Variants in CFTR observed in about 807,000 individuals in gnomAD.
CFTR encodes the protein cystic fibrosis transmembrane conductance regulator.
A neutral mutation model predicts 171.6 loss-of-function variants in CFTR; 181 were observed. That is an observed-to-expected ratio of 1.05 (90% CI 0.93 to 1.19). The LOEUF (loss-of-function observed/expected upper bound fraction) is 1.19. Among genes scored for constraint, CFTR ranks in the 50% most tolerant of loss-of-function variants. The pLI is 0.00. For synonymous variants in CFTR, 583 were observed against 608.0 expected, an observed-to-expected ratio of 0.96 and a Z score of 0.60; for missense variants, 1,968 against 1,734.7, an observed-to-expected ratio of 1.13 and a Z score of -2.39.
chr7:117,654,632 C>T (rs1793139328), intron 24 of CFTR, among the ~76,000 whole-genome samples: 1 of 152,134 alleles, frequency 6.6e-6, no homozygotes, highest in Non-Finnish European at 1.5e-5. Flanking sequence ...CTCTTGCACC[C>T]TCTTTCTTGC....
chr7:117,568,608 T>C (rs1035274947), intron 11 of CFTR, among the ~76,000 whole-genome samples: 1 of 152,326 alleles, frequency 6.6e-6, no homozygotes, highest in African/African-American at 2.4e-5. Flanking sequence ...TTCAGCCTTA[T>C]TAAGGTATAA....
chr7:117,484,596 A>G (rs1798043958), intron 1 of CFTR, among the ~76,000 whole-genome samples: 2 of 152,132 alleles, frequency 1.3e-5, no homozygotes. Flanking sequence ...TCAGCTGGGA[A>G]TCTGTGTTAA....
At chr7:117,622,926 C>T (rs1792604108) in intron 21 of CFTR, among the ~76,000 whole-genome samples, 1 of 152,120 alleles carries the variant, frequency 6.6e-6, no homozygotes, top group Non-Finnish European at 1.5e-5. Flanking sequence ...TCAAGACTGT[C>T]ATAATTCCAA....
At chr7:117,660,740 A>T (rs535356065) in intron 24 of CFTR, among the ~76,000 whole-genome samples, 23 of 152,086 alleles carry the variant, frequency 1.5e-4, no homozygotes, top group Non-Finnish European at 1.9e-4. Context: ...ACATATTTAA[A>T]GGATAAAGGA....
intron 11 of CFTR, among the ~76,000 whole-genome samples, chr7:117,579,555 C>A (rs769803240): frequency 1.2e-4 from 18 of 150,922 alleles, no homozygotes; most frequent in Non-Finnish European, 2.5e-4. Flanking sequence ...AGCTATTCTT[C>A]TTATTATTTA....
chr7:117,618,009 A>G (rs1426874826), intron 21 of CFTR, among the ~76,000 whole-genome samples: 3 of 152,108 alleles, frequency 2.0e-5, no homozygotes, highest in African/African-American at 4.8e-5. Context: ...TAACAGCTCC[A>G]GCAGTATTTA....
chr7:117,531,217 C>A, intron 4 of CFTR, 103 bp downstream of exon 4: 1 of 842,806 alleles, frequency 1.2e-6, no homozygotes, highest in Non-Finnish European at 1.9e-6. Context: ...GGGATAAATG[C>A]TGAAATTAAT....
Position 117,660,701 on chromosome 7 carries a change from C to CAT in CFTR, c.3964-3977_3964-3976dup, listed in dbSNP as rs566310911. On this transcript the variant is annotated intron_variant, in intron 24 of 26. Coordinates refer to ENST00000003084, the MANE Select transcript of CFTR (RefSeq NM_000492.4). ...GTGTGTGTGTGTGTATATACACACA[C>CAT]ATATATATATACATATATACATATA... Among the ~76,000 whole-genome samples, 306 of 150,822 alleles carry CAT rather than the reference C, an allele frequency of 2.0e-3. 1 individual carries two copies. The highest frequency in any genetic ancestry group is 7.0e-3 in the African/African-American group (287 of 41,098).
chr7:117,627,139 C>A (rs1189388567), intron 21 of CFTR, among the ~76,000 whole-genome samples: 1 of 152,026 alleles, frequency 6.6e-6, no homozygotes, highest in Non-Finnish European at 1.5e-5. Flanking sequence ...AGAGAAGAAT[C>A]TTCAGTAGTG....
intron 22 of CFTR, among the ~76,000 whole-genome samples, chr7:117,636,739 T>G (rs986286581): frequency 2.0e-5 from 3 of 152,122 alleles, no homozygotes; most frequent in Non-Finnish European, 4.4e-5. Context: ...TTCTTTTGAT[T>G]CCATCTTTGA....
chr7:117,632,631 A>C (rs1792766341), intron 22 of CFTR, among the ~76,000 whole-genome samples: 1 of 152,162 alleles, frequency 6.6e-6, no homozygotes, highest in Admixed American at 6.5e-5. Context: ...TAAAGGAGCA[A>C]TGGTAAAAGA....
Position 117,559,651 on chromosome 7 carries a change from A to G in CFTR, c.1580A>G (p.Glu527Gly), listed in dbSNP as rs374453187. The G allele has an allele frequency of 1.2e-5, 19 of 1,611,156 alleles. No individual in the cohort carries two copies. Among genetic ancestry groups the G allele is most frequent in the Admixed American group, 3.3e-5 (2 of 59,984 alleles). Residue 527 changes from glutamate (E) to glycine (G), a missense_variant, in exon 11 of 27, where the codon GAA becomes GGA. By Grantham distance (98) the Glu-to-Gly change is moderately conservative. Transcript: ENST00000003084. Reference sequence around the variant, plus strand: ...AGCGTCATCAAAGCATGCCAACTAGAAGAGGTAAGAAACTATGTGAAAACT... The same window carrying G: ...AGCGTCATCAAAGCATGCCAACTAGGAGAGGTAAGAAACTATGTGAAAACT... ...YRSVIKACQL[E>G]EDISKFAEKD...
At chr7:117,656,416 C>T (rs189334328) in intron 24 of CFTR, among the ~76,000 whole-genome samples, 225 of 151,724 alleles carry the variant, frequency 1.5e-3, no homozygotes, top group Non-Finnish European at 2.1e-3. Flanking sequence ...TGCCATATGA[C>T]CTAGATGAGG....
At chr7:117,489,759 C>T (rs1468117853) in intron 1 of CFTR, among the ~76,000 whole-genome samples, 3 of 151,522 alleles carry the variant, frequency 2.0e-5, no homozygotes, top group Non-Finnish European at 4.4e-5. Flanking sequence ...GGATCATGTT[C>T]GGATCAATCT....
At chr7:117,604,347 G>T (rs565420306) in intron 17 of CFTR, among the ~76,000 whole-genome samples, 8 of 152,012 alleles carry the variant, frequency 5.3e-5, no homozygotes, top group Non-Finnish European at 1.0e-4. Context: ...AACTAATAAG[G>T]TACTTTGAAA....
chr7:117,621,645 T>C (rs902677079), intron 21 of CFTR, among the ~76,000 whole-genome samples: 1 of 152,194 alleles, frequency 6.6e-6, no homozygotes, highest in Admixed American at 6.5e-5. Context: ...GACATAATAT[T>C]GCAAAATTAA....
chr7:117,503,547 A>G (rs1285505466), intron 1 of CFTR, among the ~76,000 whole-genome samples: 1 of 152,142 alleles, frequency 6.6e-6, no homozygotes, highest in Non-Finnish European at 1.5e-5. Context: ...GAAAATCACT[A>G]CGGTATCCTG....
At chr7:117,559,797 T>C in intron 11 of CFTR, 142 bp downstream of exon 11, 1 of 630,700 alleles carries the variant, frequency 1.6e-6, no homozygotes. Flanking sequence ...AATGGATCAA[T>C]TAATAAAACA....
intron 15 of CFTR, among the ~76,000 whole-genome samples, chr7:117,601,201 A>G (rs1792219239): frequency 6.6e-6 from 1 of 152,098 alleles, no homozygotes; most frequent in African/African-American, 2.4e-5. Flanking sequence ...GTACACCCTT[A>G]TCTAGGATCC....
Sources: gnomAD v4.1 joint callset for allele counts (sites outside exome capture counted in the v4.1 genomes callset) on GRCh38, gnomAD v4.1.1 for gene constraint, MANE v1.5 for transcripts, NCBI Gene and HGNC (gene_info 2026-07-23, HGNC 2026-07-21) for gene names.